Variants in CDH12 observed in about 807,000 individuals in gnomAD.
The protein encoded by CDH12 is cadherin 12.
In CDH12, 41 loss-of-function variants were observed where a neutral mutation model predicts 74.1. That is an observed-to-expected ratio of 0.55 (90% CI 0.43 to 0.72). CDH12 has a LOEUF of 0.72. Ranked by LOEUF, CDH12 falls within the 30% of genes least tolerant of loss-of-function variation. CDH12 has a pLI of 0.00. For missense variants in CDH12, 945 were observed against 977.2 expected (o/e 0.97, Z 0.44); for synonymous variants, 399 against 355.0 (o/e 1.12, Z -1.39).
In CDH12 at chr5:22,314,941, C is replaced by CTTTTTTTTTTTTT. The variant is rs759734847; in HGVS notation, c.-333+90303_-333+90315dup. On this transcript the variant is annotated intron_variant, in intron 3 of 14. Coordinates refer to ENST00000382254, the MANE Select transcript of CDH12 (RefSeq NM_004061.5). The stretch of plus-strand genomic sequence containing the variant: ...GAAAAGCAGAGGTCCCTGGGTTGGT[C>CTTTTTTTTTTTTT]TTTTTTTTTTTTTTTTTTTTTTTTT... Among the ~76,000 whole-genome samples, 33 of 67,764 alleles carry CTTTTTTTTTTTTT rather than the reference C, an allele frequency of 4.9e-4. 11 individuals are homozygous for CTTTTTTTTTTTTT. Among genetic ancestry groups the CTTTTTTTTTTTTT allele is most frequent in the African/African-American group, 9.5e-4 (14 of 14,806 alleles). 44.5% of individuals were successfully genotyped at this position (67,764 alleles called of 152,430 possible).
chr5:22,048,441 G>C (rs1309710045), intron 5 of CDH12, among the ~76,000 whole-genome samples: 7 of 152,084 alleles, frequency 4.6e-5, no homozygotes, highest in Non-Finnish European at 1.0e-4. Context: ...CGTTGTTGGG[G>C]ATTTCGAGTT....
At chr5:22,301,447 A>G (rs1737876026) in intron 3 of CDH12, among the ~76,000 whole-genome samples, 1 of 152,166 alleles carries the variant, frequency 6.6e-6, no homozygotes, top group Admixed American at 6.6e-5. Context: ...GCACCACATG[A>G]GTAAAGTGTC....
intron 2 of CDH12, among the ~76,000 whole-genome samples, chr5:22,415,842 G>T (rs1039953638): frequency 2.0e-5 from 3 of 151,906 alleles, no homozygotes; most frequent in Non-Finnish European, 4.4e-5. Context: ...ATCAGGTTTT[G>T]GTTGGCAATA....
chr5:22,062,599 C>T (rs1208504957), intron 5 of CDH12, among the ~76,000 whole-genome samples: 2 of 152,048 alleles, frequency 1.3e-5, no homozygotes, highest in African/African-American at 2.4e-5. Context: ...GCAAGGTCAA[C>T]CTATTTGGCA....
chr5:22,177,394 G>C (rs1353433037), intron 4 of CDH12, among the ~76,000 whole-genome samples: 1 of 152,092 alleles, frequency 6.6e-6, no homozygotes, highest in East Asian at 1.9e-4. Context: ...GTAGAACTTA[G>C]TGCCTGAAAA....
chr5:22,699,208 C>T (rs1333128881), intron 1 of CDH12, among the ~76,000 whole-genome samples: 1 of 152,126 alleles, frequency 6.6e-6, no homozygotes, highest in Non-Finnish European at 1.5e-5. Context: ...TGACCACTAT[C>T]ATCTGTCTTT....
intron 3 of CDH12, among the ~76,000 whole-genome samples, chr5:22,372,683 C>T (rs2920764): frequency 0.84 from 127,529 of 151,978 alleles, 53,571 homozygotes; most frequent in African/African-American, 0.85. Flanking sequence ...CACCCAGACA[C>T]AGAGAAACTG....
chr5:21,911,974 A>T (rs560689391), intron 6 of CDH12, among the ~76,000 whole-genome samples: 1 of 152,272 alleles, frequency 6.6e-6, no homozygotes, highest in East Asian at 1.9e-4. Flanking sequence ...ATCATGACAA[A>T]CTATTGCCTG....
At chr5:22,486,965 G>A (rs751628507) in intron 2 of CDH12, among the ~76,000 whole-genome samples, 28 of 152,070 alleles carry the variant, frequency 1.8e-4, no homozygotes, top group Admixed American at 1.0e-3. Flanking sequence ...GTCAGAGAGC[G>A]CCATGTCTGG....
intron 1 of CDH12, among the ~76,000 whole-genome samples, chr5:22,675,664 C>G (rs1741129348): frequency 6.6e-6 from 1 of 151,794 alleles, no homozygotes; most frequent in Non-Finnish European, 1.5e-5. Context: ...TGCACAAGCT[C>G]TCTTCTTTTG....
chr5:22,654,181 CTT>C (rs1739893996), intron 1 of CDH12, among the ~76,000 whole-genome samples: 1 of 132,988 alleles, frequency 7.5e-6, no homozygotes, highest in African/African-American at 3.6e-5. Flanking sequence ...TTCCTTTCTT[CTT>C]TCTTTCTTTC....
chr5:22,540,479 T>C (rs1190264458), intron 1 of CDH12, among the ~76,000 whole-genome samples: 1 of 152,120 alleles, frequency 6.6e-6, no homozygotes, highest in East Asian at 1.9e-4. Flanking sequence ...CTTTTAGTAG[T>C]TTTATGTTAT....
At chr5:22,309,692 A>G (rs1738295881) in intron 3 of CDH12, among the ~76,000 whole-genome samples, 1 of 151,982 alleles carries the variant, frequency 6.6e-6, no homozygotes, top group South Asian at 2.1e-4. Context: ...TTAGGTATCT[A>G]TATGTATTCA....
At chr5:22,831,676 C>A (rs942208889) in intron 1 of CDH12, among the ~76,000 whole-genome samples, 2 of 152,010 alleles carry the variant, frequency 1.3e-5, no homozygotes, top group African/African-American at 4.8e-5. Flanking sequence ...GCGGGTGGAT[C>A]ACGAGGTCAG....
intron 3 of CDH12, among the ~76,000 whole-genome samples, chr5:22,337,651 C>G (rs1275118630): frequency 1.3e-5 from 2 of 152,170 alleles, no homozygotes; most frequent in East Asian, 3.9e-4. Context: ...GAGGCCTCCC[C>G]AGCCACATGG....
intron 4 of CDH12, among the ~76,000 whole-genome samples, chr5:22,098,228 T>C (rs1743915898): frequency 1.3e-5 from 2 of 152,142 alleles, no homozygotes; most frequent in African/African-American, 4.8e-5. Context: ...CCCCCATTAC[T>C]TCAGTCAAGC....
At chr5:21,890,284 G>C (rs1303434965) in intron 6 of CDH12, among the ~76,000 whole-genome samples, 4 of 152,002 alleles carry the variant, frequency 2.6e-5, no homozygotes, top group Admixed American at 2.6e-4. Context: ...ATCAATGGTT[G>C]CTTAAAAAAC....
intron 2 of CDH12, among the ~76,000 whole-genome samples, chr5:22,423,830 C>T (rs984084783): frequency 1.3e-5 from 2 of 151,252 alleles, no homozygotes; most frequent in Non-Finnish European, 2.9e-5. Context: ...GGTGAAACCC[C>T]GTCTCTACTA....
At chr5:22,474,199 C>A (rs1223876860) in intron 2 of CDH12, among the ~76,000 whole-genome samples, 1 of 152,092 alleles carries the variant, frequency 6.6e-6, no homozygotes, top group Non-Finnish European at 1.5e-5. Context: ...ATGACTTCGT[C>A]AGAGAGTGAA....
Sources: allele counts gnomAD v4.1 joint callset (sites outside exome capture counted in the v4.1 genomes callset), GRCh38; gene constraint gnomAD v4.1.1; transcripts MANE v1.5; gene names NCBI Gene and HGNC (gene_info 2026-07-23, HGNC 2026-07-21).